The following MGST1 variants were observed in gnomAD, a reference collection of about 807,000 sequenced individuals.
MGST1 encodes the protein microsomal glutathione S-transferase 1.
In MGST1, 5 loss-of-function variants were observed where a neutral mutation model predicts 8.9. That is an observed-to-expected ratio of 0.56 (90% CI 0.29 to 1.19). The LOEUF (loss-of-function observed/expected upper bound fraction) is 1.19. Among genes scored for constraint, MGST1 ranks in the 50% most tolerant of loss-of-function variants. The pLI is 0.08. For missense variants in MGST1, 182 were observed against 187.4 expected (o/e 0.97, Z 0.17); for synonymous variants, 54 against 67.8 (o/e 0.80, Z 1.00).
At position 16,584,387 on chromosome 12, in the gene MGST1, C is replaced by T. The variant is rs1943253693; in HGVS notation, n.483-5141C>T. 2.0e-5 allele frequency among the ~76,000 whole-genome samples: 3 copies of T among 152,128 alleles called. No homozygotes were observed. The highest frequency in any genetic ancestry group is 7.2e-5 in the African/African-American group (3 of 41,432). Reference sequence around the variant, plus strand: ...TTCAGGTAAGGCAACAGATGAAATTCAGTTAAAACAATATTTTGATGGGAA... The same window carrying T: ...TTCAGGTAAGGCAACAGATGAAATTTAGTTAAAACAATATTTTGATGGGAA... On this transcript the variant is annotated intron_variant and non_coding_transcript_variant, in intron 4 of 4. Transcript: ENST00000538857. This position sits in a 1 kb window ranked among gnomAD's most constrained non-coding sequence, Gnocchi z 5.2.
chr12:16,460,280 G>A (rs994923899), intron 4 of MGST1, among the ~76,000 whole-genome samples: 9 of 152,138 alleles, frequency 5.9e-5, no homozygotes, highest in African/African-American at 2.2e-4. Flanking sequence ...CAATGAAGCA[G>A]TGAGTGGAGA....
At chr12:16,384,203 C>T (rs1359982165) in intron 1 of MGST1, among the ~76,000 whole-genome samples, 1 of 152,100 alleles carries the variant, frequency 6.6e-6, no homozygotes, top group Admixed American at 6.5e-5. Context: ...GAAGGATATG[C>T]CCCATGTAAT....
chr12:16,472,921 A>G (rs532482083), intron 4 of MGST1, among the ~76,000 whole-genome samples: 1 of 152,310 alleles, frequency 6.6e-6, no homozygotes, highest in African/African-American at 2.4e-5. Flanking sequence ...AAATCCTTGC[A>G]TCGGTTTCTT....
intron 4 of MGST1, among the ~76,000 whole-genome samples, chr12:16,452,146 A>T (rs962075796): frequency 6.6e-6 from 1 of 151,892 alleles, no homozygotes; most frequent in African/African-American, 2.4e-5. Context: ...TGGGCAGTGT[A>T]TAAAATCCTG....
At chr12:16,358,808 T>TTTTTTTTTC in intron 3 of MGST1, among the ~76,000 whole-genome samples, 1 of 106,870 alleles carries the variant, frequency 9.4e-6, no homozygotes. Context: ...TTTTTTTTTT[T>TTTTTTTTTC]ACAGCTGTGT....
At chr12:16,514,400 G>A in intron 4 of MGST1, 1 of 280,682 alleles carries the variant, frequency 3.6e-6, no homozygotes, top group South Asian at 3.6e-5. Flanking sequence ...AACAATGGTT[G>A]CAAGAAGTGA....
At chr12:16,572,892 C>T (rs145362755) in intron 4 of MGST1, among the ~76,000 whole-genome samples, 41 of 151,530 alleles carry the variant, frequency 2.7e-4, no homozygotes, top group African/African-American at 9.4e-4. Context: ...AATTTATTCA[C>T]CTAATTTTTA....
chr12:16,526,438 C>T (rs184152150), intron 4 of MGST1, among the ~76,000 whole-genome samples: 1 of 152,044 alleles, frequency 6.6e-6, no homozygotes, highest in African/African-American at 2.4e-5. Flanking sequence ...GAGATATAAA[C>T]TTTCATTTGT....
At chr12:16,556,673 A>AT (rs1165655223) in intron 4 of MGST1, among the ~76,000 whole-genome samples, 3 of 152,190 alleles carry the variant, frequency 2.0e-5, no homozygotes, top group Non-Finnish European at 4.4e-5. Flanking sequence ...TGGCTACTGG[A>AT]AGTGGGATAT....
At chr12:16,518,731 G>T (rs1233731998) in intron 4 of MGST1, among the ~76,000 whole-genome samples, 1 of 152,120 alleles carries the variant, frequency 6.6e-6, no homozygotes, top group Non-Finnish European at 1.5e-5. Context: ...TTTTGGTCAG[G>T]TGGTGGCATT....
intron 4 of MGST1, among the ~76,000 whole-genome samples, chr12:16,518,975 T>C (rs1464116647): frequency 1.3e-5 from 2 of 152,236 alleles, no homozygotes; most frequent in South Asian, 2.1e-4. Context: ...GTATGATTTA[T>C]ACAATGTAAT....
chr12:16,515,023 G>T (rs1941602878), intron 4 of MGST1, among the ~76,000 whole-genome samples: 1 of 152,124 alleles, frequency 6.6e-6, no homozygotes, highest in Non-Finnish European at 1.5e-5. Context: ...TATAGAGTTC[G>T]GGTTCCTCAT....
rs1056708579 is a variant in MGST1 at position 16,410,213 on chromosome 12, T to C, written n.778+26609T>C. Among the ~76,000 whole-genome samples the C allele has an allele frequency of 6.6e-6, 1 of 152,180 alleles. No individual in the cohort carries two copies. The highest frequency in any genetic ancestry group is 6.6e-5 in the Admixed American group (1 of 15,260). On this transcript the variant is annotated intron_variant and non_coding_transcript_variant, in intron 1 of 1. Coordinates refer to the MGST1 transcript ENST00000359720. The surrounding 1 kb of genome is among the most constrained non-coding windows in gnomAD (Gnocchi z 4.4). ...TCTCTTTAACTTGGAGATTAGCCTA[T>C]CTTGTCTGCTCTTTGACATTTTAAG...
intron 4 of MGST1, among the ~76,000 whole-genome samples, chr12:16,479,399 T>C (rs1941349155): frequency 6.6e-6 from 1 of 151,590 alleles, no homozygotes; most frequent in South Asian, 2.1e-4. Flanking sequence ...CACGCCCGGC[T>C]AATTTTTTGT....
intron 1 of MGST1, among the ~76,000 whole-genome samples, chr12:16,392,649 A>T (rs1054293314): frequency 6.6e-6 from 1 of 152,132 alleles, no homozygotes; most frequent in Admixed American, 6.6e-5. Flanking sequence ...TTATAGTCTT[A>T]TAGTCATTTT....
intron 4 of MGST1, among the ~76,000 whole-genome samples, chr12:16,526,782 A>C (rs1941689001): frequency 6.6e-6 from 1 of 152,004 alleles, no homozygotes; most frequent in Non-Finnish European, 1.5e-5. Context: ...TGAGCCAGGA[A>C]GGGAGAAGCC....
At position 16,362,377 on chromosome 12, in the gene MGST1, T is replaced by TGTGTGAG. The variant is rs1266689391; in HGVS notation, c.222-1418_222-1417insGTGTGAG. On this transcript the variant is annotated intron_variant, in intron 3 of 3. Transcript: ENST00000396210. The surrounding 1 kb of genome is among the most constrained non-coding windows in gnomAD (Gnocchi z 4.4). ...GCTGCTGCTGTCCTCTTCATGTCTCTATGTAGTCATCCTCTTTGTGAGACA... is the reference window on the plus strand; with the variant it reads ...GCTGCTGCTGTCCTCTTCATGTCTCTGTGTGAGATGTAGTCATCCTCTTTGTGAGACA... Among the ~76,000 whole-genome samples, 3 of 95,094 alleles carry TGTGTGAG rather than the reference T, an allele frequency of 3.2e-5. No individual in the cohort carries two copies. The East Asian group carries it at 2.4e-3, about 77-fold the overall frequency. The allele number at this position is 95,094 out of a possible 152,430, so 62.4% of individuals were successfully genotyped here.
At chr12:16,566,593 TAAAGA>T (rs986068311) in intron 4 of MGST1, among the ~76,000 whole-genome samples, 17 of 152,264 alleles carry the variant, frequency 1.1e-4, no homozygotes, top group African/African-American at 2.9e-4. Flanking sequence ...GACCATATAT[TAAAGA>T]AAAGACATTT....
rs919775933 is a variant in MGST1 at position 16,361,504 on chromosome 12, G to T, written c.222-2291G>T. 1.3e-5 allele frequency among the ~76,000 whole-genome samples: 2 copies of T among 152,302 alleles called. No individual in the cohort carries two copies. The highest frequency in any genetic ancestry group is 2.1e-4 in the South Asian group (1 of 4,826). On this transcript the variant is annotated intron_variant, in intron 3 of 3. Coordinates refer to ENST00000396210, the MANE Select transcript of MGST1 (RefSeq NM_020300.5). This position sits in a 1 kb window ranked among gnomAD's most constrained non-coding sequence, Gnocchi z 4.2. ...CAGGTAGAAAGTGGACTCTTAGGAA[G>T]ACTGATGTCCACCTGGTGATAGATT... is the stretch of plus-strand genomic sequence containing the variant.
Sources: allele counts gnomAD v4.1 joint callset (sites outside exome capture counted in the v4.1 genomes callset), GRCh38; gene constraint gnomAD v4.1.1; non-coding constraint Gnocchi (gnomAD v3.1); transcripts MANE v1.5; gene names NCBI Gene and HGNC (gene_info 2026-07-23, HGNC 2026-07-21).